The following PTPRM variants were observed in gnomAD, a reference collection of about 807,000 sequenced individuals.
The protein encoded by PTPRM is receptor-type tyrosine-protein phosphatase mu.
In PTPRM, 47 loss-of-function variants were observed where a neutral mutation model predicts 186.7. The ratio of observed to expected loss-of-function variants is 0.25; its 90% CI spans 0.20 to 0.32. The LOEUF (loss-of-function observed/expected upper bound fraction) is 0.32. PTPRM is among the 10% of genes least tolerant of loss of function. PTPRM has a pLI of 1.00. For missense variants in PTPRM, 1,494 were observed against 1,865.0 expected, an observed-to-expected ratio of 0.80 and a Z score of 3.66; for synonymous variants, 668 against 674.9, an observed-to-expected ratio of 0.99 and a Z score of 0.16.
At chr18:8,395,184 T>G (rs527256127) in intron 32 of PTPRM, among the ~76,000 whole-genome samples, 2 of 152,006 alleles carry the variant, frequency 1.3e-5, no homozygotes, top group South Asian at 4.2e-4. Flanking sequence ...GACTCTAGAA[T>G]AGTTTAAAGG....
chr18:7,682,476 T>A (rs1156773353), intron 1 of PTPRM, among the ~76,000 whole-genome samples: 2 of 152,200 alleles, frequency 1.3e-5, no homozygotes, highest in Non-Finnish European at 2.9e-5. Context: ...GCTCCCTGAC[T>A]TTTATTAGGT....
intron 14 of PTPRM, among the ~76,000 whole-genome samples, chr18:8,228,869 A>C (rs1006606215): frequency 3.3e-5 from 5 of 152,054 alleles, no homozygotes; most frequent in Admixed American, 6.6e-5. Flanking sequence ...AAGAAAAAGA[A>C]AAAGAAAAAT....
chr18:7,664,601 T>G (rs542496199), intron 1 of PTPRM, among the ~76,000 whole-genome samples: 43 of 152,266 alleles, frequency 2.8e-4, no homozygotes, highest in African/African-American at 1.0e-3. Context: ...CATGCTACTC[T>G]TCATGTGGCT....
chr18:8,247,269 A>G (rs117083479), intron 15 of PTPRM, among the ~76,000 whole-genome samples: 170 of 152,308 alleles, frequency 1.1e-3, no homozygotes, highest in Non-Finnish European at 2.0e-3. Flanking sequence ...AGAAGGTGCA[A>G]TAATTCAGTC....
At chr18:8,031,272 T>C (rs764380959) in intron 7 of PTPRM, among the ~76,000 whole-genome samples, 3 of 152,224 alleles carry the variant, frequency 2.0e-5, no homozygotes, top group Non-Finnish European at 4.4e-5. Flanking sequence ...GAGATTTCAG[T>C]GTTGCTGCAA....
intron 2 of PTPRM, among the ~76,000 whole-genome samples, chr18:7,804,169 G>A (rs1357478911): frequency 6.6e-6 from 1 of 152,150 alleles, no homozygotes; most frequent in Non-Finnish European, 1.5e-5. Flanking sequence ...ATCGGTTGGG[G>A]TGGACTCTTC....
At chr18:7,645,784 T>C (rs566493198) in intron 1 of PTPRM, among the ~76,000 whole-genome samples, 4 of 152,296 alleles carry the variant, frequency 2.6e-5, no homozygotes, top group East Asian at 3.9e-4. Context: ...GAATAGACCA[T>C]GTAGCAACCC....
intron 1 of PTPRM, among the ~76,000 whole-genome samples, chr18:7,587,956 A>G (rs1010403319): frequency 4.6e-5 from 7 of 152,168 alleles, no homozygotes; most frequent in African/African-American, 1.7e-4. Flanking sequence ...AAATGGTAAA[A>G]AGAAATGATA....
At chr18:8,153,782 G>A (rs958697392) in intron 14 of PTPRM, among the ~76,000 whole-genome samples, 1 of 152,192 alleles carries the variant, frequency 6.6e-6, no homozygotes, top group African/African-American at 2.4e-5. Context: ...GGGTGTTATT[G>A]ATAGGTAATC....
At chr18:8,119,530 A>G (rs2145791053) in intron 13 of PTPRM, among the ~76,000 whole-genome samples, 1 of 152,334 alleles carries the variant, frequency 6.6e-6, no homozygotes, top group African/African-American at 2.4e-5. Flanking sequence ...TGAAATAGGA[A>G]CATTAACATT....
chr18:8,111,933 A>T (rs925764040), intron 11 of PTPRM, among the ~76,000 whole-genome samples: 27 of 152,152 alleles, frequency 1.8e-4, no homozygotes, highest in African/African-American at 6.3e-4. Flanking sequence ...TTTTAATGGT[A>T]TTCCAGGTGA....
At chr18:7,876,327 A>G (rs1187743815) in intron 2 of PTPRM, among the ~76,000 whole-genome samples, 1 of 152,176 alleles carries the variant, frequency 6.6e-6, no homozygotes, top group Non-Finnish European at 1.5e-5. Flanking sequence ...ACATGATCCA[A>G]AATTCAGGTC....
intron 1 of PTPRM, among the ~76,000 whole-genome samples, chr18:7,595,542 C>T (rs183441455): frequency 6.6e-6 from 1 of 152,278 alleles, no homozygotes; most frequent in African/African-American, 2.4e-5. Context: ...TAACATTGCT[C>T]TATGATAATG....
intron 23 of PTPRM, among the ~76,000 whole-genome samples, chr18:8,364,597 GTGTTTT>G (rs1404342357): frequency 6.6e-6 from 1 of 152,180 alleles, no homozygotes; most frequent in Non-Finnish European, 1.5e-5. Flanking sequence ...CTTCATGGCA[GTGTTTT>G]TGCTCTCACT....
intron 24 of PTPRM, among the ~76,000 whole-genome samples, chr18:8,374,981 T>C (rs2095686083): frequency 6.6e-6 from 1 of 152,210 alleles, no homozygotes; most frequent in Admixed American, 6.5e-5. Flanking sequence ...AAAATGATCA[T>C]GGAATGAGAG....
rs554266842 is a variant in PTPRM, at chr18:8,364,369, A to C, written c.3055-6521A>C. On this transcript the variant is annotated intron_variant, in intron 23 of 32. Coordinates refer to ENST00000580170, the MANE Select transcript of PTPRM (RefSeq NM_001105244.2). ...GACTGAGGCTCAGGGGGTGTAAGTC[A>C]CTTGCTGCAACATCACAAGGTAGAT... 4.6e-5 allele frequency among the ~76,000 whole-genome samples: 7 copies of C among 152,294 alleles called. No individual in the cohort carries two copies. In the South Asian group the frequency reaches 1.5e-3, roughly 32 times the overall value.
intron 14 of PTPRM, among the ~76,000 whole-genome samples, chr18:8,150,078 A>G (rs1259259683): frequency 1.3e-5 from 2 of 151,842 alleles, no homozygotes; most frequent in Non-Finnish European, 2.9e-5. Context: ...TGCCCTTAAC[A>G]TTTTTTCCTT....
chr18:7,891,944 T>C (rs750161185), intron 3 of PTPRM, among the ~76,000 whole-genome samples: 39 of 152,248 alleles, frequency 2.6e-4, no homozygotes, highest in Non-Finnish European at 4.3e-4. Flanking sequence ...CAGAGGTTTT[T>C]GTATGGTGGC....
intron 1 of PTPRM, among the ~76,000 whole-genome samples, chr18:7,579,447 A>G (rs2036786048): frequency 1.3e-5 from 2 of 152,270 alleles, no homozygotes; most frequent in Admixed American, 6.5e-5. Flanking sequence ...GAGGATTACT[A>G]TTAATACATG....
Sources: allele counts gnomAD v4.1 joint callset (sites outside exome capture counted in the v4.1 genomes callset), GRCh38; gene constraint gnomAD v4.1.1; transcripts MANE v1.5; gene names NCBI Gene and HGNC (gene_info 2026-07-23, HGNC 2026-07-21).